Variants in GTF2IRD1 observed in about 807,000 individuals in gnomAD.
GTF2IRD1 encodes the protein general transcription factor II-I repeat domain-containing protein 1.
A neutral mutation model predicts 113.2 loss-of-function variants in GTF2IRD1; 26 were observed. The observed-to-expected ratio is 0.23, with a 90% confidence interval of 0.17 to 0.32. The LOEUF (loss-of-function observed/expected upper bound fraction) is 0.32, where lower values mean the gene tolerates loss of function less well. Among genes scored for constraint, GTF2IRD1 ranks in the 10% least tolerant of loss-of-function variants. GTF2IRD1 has a pLI of 1.00. For synonymous variants in GTF2IRD1, 484 were observed against 529.1 expected (o/e 0.91, Z 1.17); for missense variants, 864 against 1,280.8 (o/e 0.67, Z 4.97).
chr7:74,490,151 A>C (rs1554336406), intron 1 of GTF2IRD1, among the ~76,000 whole-genome samples: 1 of 152,038 alleles, frequency 6.6e-6, no homozygotes, highest in East Asian at 1.9e-4. Context: ...GTTTTTTTGT[A>C]GAGATGGGGT....
At chr7:74,589,349 A>G (rs587741073) in intron 22 of GTF2IRD1, among the ~76,000 whole-genome samples, 5 of 152,050 alleles carry the variant, frequency 3.3e-5, no homozygotes, top group African/African-American at 1.2e-4. Context: ...ACAGAGCAAG[A>G]CCGTGTCTCA....
At chr7:74,589,982 G>A (rs1583972159) in intron 23 of GTF2IRD1, 54 bp downstream of exon 23, 3 of 1,191,036 alleles carry the variant, frequency 2.5e-6, no homozygotes, top group Non-Finnish European at 3.7e-6. Flanking sequence ...GGGGGTGGTG[G>A]GGGGCCTCCC....
intron 22 of GTF2IRD1, among the ~76,000 whole-genome samples, chr7:74,579,569 G>C (rs1265359946): frequency 6.7e-6 from 1 of 148,548 alleles, no homozygotes; most frequent in Non-Finnish European, 1.5e-5. Flanking sequence ...AGTGAGCCCA[G>C]ATCACGCCAC....
intron 22 of GTF2IRD1, among the ~76,000 whole-genome samples, chr7:74,580,538 A>C (rs1489080914): frequency 2.6e-5 from 4 of 151,792 alleles, no homozygotes; most frequent in Non-Finnish European, 5.9e-5. Context: ...AATTGTGTAC[A>C]TAGCATGGCT....
intron 25 of GTF2IRD1, among the ~76,000 whole-genome samples, chr7:74,600,589 T>C (rs910342362): frequency 6.6e-6 from 1 of 152,078 alleles, no homozygotes; most frequent in East Asian, 1.9e-4. Flanking sequence ...CAGACACCTA[T>C]AACCCCAGCT....
intron 10 of GTF2IRD1, among the ~76,000 whole-genome samples, chr7:74,535,771 C>T (rs1232091959): frequency 6.6e-6 from 1 of 152,226 alleles, no homozygotes; most frequent in African/African-American, 2.4e-5. Context: ...GATAAGGGCG[C>T]CTTCCTCTGG....
rs781924063 is a variant in GTF2IRD1 at position 74,524,073 on chromosome 7, A to G, written c.1009A>G (p.Lys337Glu). Reference protein sequence around the residue: ...LFSIVHDKSEKWDAFIKETED... With the variant: ...LFSIVHDKSEEWDAFIKETED... ...TTGTGCCTCCTGTGTTTTGATAGAG[A>G]AGTGGGACGCCTTCATAAAGGAAAC... is the stretch of plus-strand genomic sequence containing the variant. Residue 337 changes from lysine (K) to glutamate (E), a missense_variant and splice_region_variant, in exon 8 of 27, where the codon AAG (lysine) becomes GAG (glutamate). Around this residue, in one of 7 missense-constraint regions of GTF2IRD1, gnomAD observed 195 missense variants for 196.6 expected, o/e 0.99. Coordinates refer to ENST00000424337, the MANE Select transcript of GTF2IRD1 (RefSeq NM_005685.4). The G allele has an allele frequency of 5.6e-6, 9 of 1,608,896 alleles. No individual in the cohort carries two copies.
chr7:74,569,423 T>G (rs1331475477), intron 22 of GTF2IRD1, among the ~76,000 whole-genome samples: 1 of 152,190 alleles, frequency 6.6e-6, no homozygotes, highest in Non-Finnish European at 1.5e-5. Flanking sequence ...CCCTGGTCTA[T>G]GCTGTTCTGC....
At chr7:74,549,904 C>CG (rs1799200911) in intron 17 of GTF2IRD1, among the ~76,000 whole-genome samples, 1 of 152,092 alleles carries the variant, frequency 6.6e-6, no homozygotes, top group African/African-American at 2.4e-5. Flanking sequence ...GGCGTGGTAG[C>CG]AGGTGCCTGT....
rs1001467075 is a variant in GTF2IRD1, at chr7:74,512,612, T to C, written c.124-218T>C. 6.8e-6 allele frequency among the ~76,000 whole-genome samples: 1 copy of C among 147,894 alleles called. No individual in the cohort carries two copies. The highest frequency in any genetic ancestry group is 1.5e-5 in the Non-Finnish European group (1 of 68,020). On this transcript the variant is annotated intron_variant, in intron 2 of 26. Transcript: ENST00000424337. This position sits in a 1 kb window ranked among gnomAD's most constrained non-coding sequence, Gnocchi z 4.4. Reference sequence around the variant, plus strand: ...CCTTGGAGGGAGGAGCAGAGGACACTTGTCCTCCTCCACCCCCCATCGCCA... The same window carrying C: ...CCTTGGAGGGAGGAGCAGAGGACACCTGTCCTCCTCCACCCCCCATCGCCA...
rs1431436553 is a variant in GTF2IRD1 at position 74,568,351 on chromosome 7, AAAAAG to A, written c.2320+8699_2320+8703del. On this transcript the variant is annotated intron_variant, in intron 22 of 26. Coordinates refer to ENST00000424337, the MANE Select transcript of GTF2IRD1 (RefSeq NM_005685.4). ...GCATCTCTATTTAAAAAAAAAAAAA[AAAAAG>A]AAGGAGAAAGGGCCGGGCGTGGTGG... is the stretch of plus-strand genomic sequence containing the variant. 4.7e-5 allele frequency among the ~76,000 whole-genome samples: 7 copies of A among 150,170 alleles called. No homozygotes were observed. The East Asian group carries it at 9.8e-4, about 21-fold the overall frequency.
intron 22 of GTF2IRD1, among the ~76,000 whole-genome samples, chr7:74,564,509 G>A (rs587723554): frequency 6.6e-6 from 1 of 152,166 alleles, no homozygotes; most frequent in African/African-American, 2.4e-5. Context: ...CCAGCATTTT[G>A]GGAGGCCAAG....
chr7:74,471,503 C>T (rs117551164), intron 1 of GTF2IRD1, among the ~76,000 whole-genome samples: 5,947 of 151,704 alleles, frequency 0.039, 159 homozygotes, highest in East Asian at 0.082. Context: ...AGCGAGACCC[C>T]ATCTCTACAA....
intron 6 of GTF2IRD1, among the ~76,000 whole-genome samples, chr7:74,520,280 G>A (rs1347171908): frequency 6.6e-6 from 1 of 151,842 alleles, no homozygotes; most frequent in African/African-American, 2.4e-5. Flanking sequence ...GGGGAAGTAG[G>A]TCCTGGAAGT....
intron 8 of GTF2IRD1, among the ~76,000 whole-genome samples, chr7:74,526,799 TG>T (rs1232657584): frequency 2.2e-5 from 2 of 90,978 alleles, no homozygotes; most frequent in South Asian, 3.4e-4. Context: ...ATGTGGGAGG[TG>T]GGGGGGAAGT....
chr7:74,463,165 G>A (rs2116916779), intron 1 of GTF2IRD1, among the ~76,000 whole-genome samples: 1 of 152,300 alleles, frequency 6.6e-6, no homozygotes, highest in East Asian at 1.9e-4. Flanking sequence ...GCAGGCAGGA[G>A]CAGGAGTTAG....
At chr7:74,539,337 TCTCAGGAGGCTAG>T (rs1798491571) in intron 13 of GTF2IRD1, among the ~76,000 whole-genome samples, 1 of 151,778 alleles carries the variant, frequency 6.6e-6, no homozygotes, top group Non-Finnish European at 1.5e-5. Flanking sequence ...CGGTGTAGCT[TCTCAGGAGGCTAG>T]GGCAGGAGGA....
At chr7:74,570,715 G>T (rs1419588648) in intron 22 of GTF2IRD1, among the ~76,000 whole-genome samples, 1 of 152,270 alleles carries the variant, frequency 6.6e-6, no homozygotes, top group South Asian at 2.1e-4. Context: ...AAAAGCTTTG[G>T]AAGGTAGTGA....
At chr7:74,597,039 C>A (rs1428992266) in intron 25 of GTF2IRD1, among the ~76,000 whole-genome samples, 6 of 151,914 alleles carry the variant, frequency 3.9e-5, no homozygotes, top group Non-Finnish European at 5.9e-5. Context: ...AGAATGAGAC[C>A]CCATCTCTTT....
Sources: allele counts gnomAD v4.1 joint callset (sites outside exome capture counted in the v4.1 genomes callset), GRCh38; gene constraint gnomAD v4.1.1; regional missense constraint gnomAD v4.1.1; non-coding constraint Gnocchi (gnomAD v3.1); transcripts MANE v1.5; gene names NCBI Gene and HGNC (gene_info 2026-07-23, HGNC 2026-07-21).